Variants in CACNB2 observed in about 807,000 individuals in gnomAD.
CACNB2 encodes the protein voltage-dependent L-type calcium channel subunit beta-2.
CACNB2 carries 42 observed loss-of-function variants against 73.3 expected under a neutral mutation model. The observed-to-expected ratio is 0.57, with a 90% CI of 0.45 to 0.74. The LOEUF (loss-of-function observed/expected upper bound fraction) is 0.74. CACNB2 is among the 30% of genes least tolerant of loss of function. The pLI is 0.00. For missense variants in CACNB2, 940 were observed against 853.0 expected, an observed-to-expected ratio of 1.10 and a Z score of -1.27; for synonymous variants, 348 against 310.3, an observed-to-expected ratio of 1.12 and a Z score of -1.28.
chr10:18,283,813 T>C (rs992773919), intron 2 of CACNB2, among the ~76,000 whole-genome samples: 5 of 152,098 alleles, frequency 3.3e-5, no homozygotes, highest in Admixed American at 3.3e-4. Context: ...GAACTTAAAG[T>C]ATAATAAAAA....
chr10:18,277,801 G>A (rs2038364675), intron 2 of CACNB2, among the ~76,000 whole-genome samples: 1 of 152,140 alleles, frequency 6.6e-6, no homozygotes. Context: ...TCATAGTCTG[G>A]CAGCTAGAAT....
chr10:18,163,626 T>C (rs2032635903), intron 2 of CACNB2, among the ~76,000 whole-genome samples: 2 of 152,330 alleles, frequency 1.3e-5, no homozygotes, highest in African/African-American at 2.4e-5. Flanking sequence ...ATTGAGCATA[T>C]ATCAAGAAAC....
At chr10:18,435,336 G>A (rs890311958) in intron 3 of CACNB2, among the ~76,000 whole-genome samples, 1 of 152,208 alleles carries the variant, frequency 6.6e-6, no homozygotes, top group East Asian at 1.9e-4. Flanking sequence ...AAATCCACCT[G>A]AGTTGACAAT....
chr10:18,332,717 T>C (rs1036161070), intron 2 of CACNB2, among the ~76,000 whole-genome samples: 2 of 152,112 alleles, frequency 1.3e-5, no homozygotes, highest in African/African-American at 4.8e-5. Context: ...ACCTCCCTAG[T>C]CCCTAGCACA....
At chr10:18,279,220 C>T (rs1019345697) in intron 2 of CACNB2, among the ~76,000 whole-genome samples, 1 of 152,158 alleles carries the variant, frequency 6.6e-6, no homozygotes, top group Non-Finnish European at 1.5e-5. Context: ...TTCTTTTCTT[C>T]CTGGAAGAAA....
intron 2 of CACNB2, among the ~76,000 whole-genome samples, chr10:18,399,030 A>G (rs563991522): frequency 6.6e-6 from 1 of 152,164 alleles, no homozygotes; most frequent in Non-Finnish European, 1.5e-5. Context: ...GCACAAAATT[A>G]TGTGTGGGTG....
intron 3 of CACNB2, among the ~76,000 whole-genome samples, chr10:18,482,089 T>C (rs1475421387): frequency 6.6e-6 from 1 of 152,084 alleles, no homozygotes; most frequent in Non-Finnish European, 1.5e-5. Flanking sequence ...AGATGGGGTT[T>C]TGCCATGTTG....
intron 2 of CACNB2, among the ~76,000 whole-genome samples, chr10:18,316,182 CTAAAGG>C (rs2040176425): frequency 6.6e-6 from 1 of 152,020 alleles, no homozygotes; most frequent in Non-Finnish European, 1.5e-5. Flanking sequence ...TGTAAATTCT[CTAAAGG>C]TTAATAGGTA....
intron 2 of CACNB2, among the ~76,000 whole-genome samples, chr10:18,212,747 C>T (rs2035368775): frequency 6.6e-6 from 1 of 152,080 alleles, no homozygotes; most frequent in Non-Finnish European, 1.5e-5. Flanking sequence ...TATGGAACAG[C>T]TATTTGTTAA....
At chr10:18,500,126 C>G (rs2050113387) in intron 4 of CACNB2, among the ~76,000 whole-genome samples, 2 of 152,230 alleles carry the variant, frequency 1.3e-5, no homozygotes, top group African/African-American at 4.8e-5. Flanking sequence ...ATTATGAGGT[C>G]TCTTCTTGAT....
intron 2 of CACNB2, among the ~76,000 whole-genome samples, chr10:18,299,905 A>G (rs2039439788): frequency 6.6e-6 from 1 of 152,222 alleles, no homozygotes. Context: ...GCCAATCTAG[A>G]TTTCTTAGTC....
chr10:18,313,886 C>A (rs1420221032), intron 2 of CACNB2, among the ~76,000 whole-genome samples: 1 of 152,158 alleles, frequency 6.6e-6, no homozygotes, highest in Non-Finnish European at 1.5e-5. Flanking sequence ...CTGGTTACTA[C>A]AAAAATAATG....
intron 2 of CACNB2, among the ~76,000 whole-genome samples, chr10:18,247,281 C>A (rs1412605766): frequency 6.6e-6 from 1 of 152,188 alleles, no homozygotes; most frequent in African/African-American, 2.4e-5. Flanking sequence ...GCTTTAGCCA[C>A]CTCCTAGACA....
At chr10:18,273,826 A>G (rs983524761) in intron 2 of CACNB2, among the ~76,000 whole-genome samples, 1 of 152,322 alleles carries the variant, frequency 6.6e-6, no homozygotes, top group South Asian at 2.1e-4. Context: ...ACTTTGAAGA[A>G]CATATTTATA....
intron 2 of CACNB2, among the ~76,000 whole-genome samples, chr10:18,343,099 C>T (rs955787953): frequency 5.9e-5 from 9 of 152,064 alleles, no homozygotes; most frequent in African/African-American, 1.2e-4. Flanking sequence ...TACTTTCTAC[C>T]GCCAAAGGCA....
intron 2 of CACNB2, among the ~76,000 whole-genome samples, chr10:18,193,821 G>A (rs530520913): frequency 3.3e-5 from 5 of 152,282 alleles, no homozygotes; most frequent in Admixed American, 3.3e-4. Context: ...ACTCCTCTGG[G>A]TGCTCATGAA....
At chr10:18,149,341 TA>T (rs1340741010) in intron 1 of CACNB2, among the ~76,000 whole-genome samples, 1 of 152,102 alleles carries the variant, frequency 6.6e-6, no homozygotes, top group Non-Finnish European at 1.5e-5. Flanking sequence ...TTTACACAAG[TA>T]AAAAGAATGA....
At chr10:18,237,948 T>A (rs1219393387) in intron 2 of CACNB2, among the ~76,000 whole-genome samples, 1 of 152,198 alleles carries the variant, frequency 6.6e-6, no homozygotes, top group Non-Finnish European at 1.5e-5. Context: ...GCTGAAGGAT[T>A]GTAAAGGCTC....
At chr10:18,418,748 C>T (rs1473223050) in intron 3 of CACNB2, among the ~76,000 whole-genome samples, 1 of 152,152 alleles carries the variant, frequency 6.6e-6, no homozygotes, top group Non-Finnish European at 1.5e-5. Flanking sequence ...GTTCTGACCA[C>T]AGGGCATCAG....
Sources: gnomAD v4.1 joint callset for allele counts (sites outside exome capture counted in the v4.1 genomes callset) on GRCh38, gnomAD v4.1.1 for gene constraint, MANE v1.5 for transcripts, NCBI Gene and HGNC (gene_info 2026-07-23, HGNC 2026-07-21) for gene names.